The following ARID1B variants were observed in gnomAD, a reference collection of about 807,000 sequenced individuals.
The protein encoded by ARID1B is AT-rich interaction domain 1B.
A neutral mutation model predicts 212.3 loss-of-function variants in ARID1B; 30 were observed. The observed-to-expected ratio is 0.14, with a 90% confidence interval of 0.11 to 0.19. The LOEUF is 0.19. Ranked by LOEUF, ARID1B falls within the 10% of genes least tolerant of loss-of-function variation. ARID1B has a pLI of 1.00. For missense variants in ARID1B, 2,891 were observed against 3,204.0 expected, an observed-to-expected ratio of 0.90 and a Z score of 2.36; for synonymous variants, 1,402 against 1,301.7, an observed-to-expected ratio of 1.08 and a Z score of -1.66.
rs571819028 is a variant in ARID1B, at chr6:157,207,267, A to G, written c.6495A>G (p.Glu2165=). The change falls in exon 20 of 20, where the codon GAA becomes GAG. Residue 2165 remains glutamate (E), a synonymous_variant. Coordinates refer to ENST00000636930, the MANE Select transcript of ARID1B (RefSeq NM_001374828.1). This position sits in a 1 kb window ranked among gnomAD's most constrained non-coding sequence, Gnocchi z 8.5. ...SGQLDLSAYT[E]SICLPILDGL... ...AGCTAGACTTGTCTGCTTACACGGAAAGCATCTGCTTGCCAATTTTGGATG... is the reference window on the plus strand; with the variant it reads ...AGCTAGACTTGTCTGCTTACACGGAGAGCATCTGCTTGCCAATTTTGGATG... 1 of 1,614,138 alleles carries G rather than the reference A, an allele frequency of 6.2e-7. No individual in the cohort carries two copies. Among genetic ancestry groups the G allele is most frequent in the South Asian group, 1.1e-5 (1 of 91,084 alleles).
chr6:156,779,695 G>GCC, intron 1 of ARID1B: 1 of 211,404 alleles, frequency 4.7e-6, no homozygotes, highest in Non-Finnish European at 8.4e-6. Flanking sequence ...GCCGGGCCGG[G>GCC]CCGGGTGGCT....
At position 156,868,728 on chromosome 6, in the gene ARID1B, A is replaced by G. The variant is rs1346189701; in HGVS notation, c.1987-32648A>G. Reference sequence around the variant, plus strand: ...TTAGATTTCAACATATGAATTTTGGAGGGACACAAATGTTCAGACCATAGC... The same window carrying G: ...TTAGATTTCAACATATGAATTTTGGGGGGACACAAATGTTCAGACCATAGC... On this transcript the variant is annotated intron_variant, in intron 2 of 19. Coordinates refer to ENST00000636930, the MANE Select transcript of ARID1B (RefSeq NM_001374828.1). Among the ~76,000 whole-genome samples, 8 of 152,226 alleles carry G rather than the reference A, an allele frequency of 5.3e-5. No individual in the cohort carries two copies. The East Asian group carries it at 1.5e-3, about 29-fold the overall frequency.
At chr6:157,127,782 TCAAAAAAAAAAAAAAAAAAAAAAA>T (rs1161347774) in intron 6 of ARID1B, among the ~76,000 whole-genome samples, 1 of 50,960 alleles carries the variant, frequency 2.0e-5, no homozygotes, top group Non-Finnish European at 3.0e-5. Flanking sequence ...AGACTCTGTC[TCAAAAAAAAAAAAAAAAAAAAAAA>T]CAAAAATTAG....
chr6:157,099,951 C>G (rs1196054758), intron 5 of ARID1B, among the ~76,000 whole-genome samples: 1 of 152,118 alleles, frequency 6.6e-6, no homozygotes, highest in Non-Finnish European at 1.5e-5. Flanking sequence ...GCCCATTTAT[C>G]TGTATTTTTA....
chr6:157,151,304 A>G (rs1393779563), intron 8 of ARID1B: 1 of 152,006 alleles, frequency 6.6e-6, no homozygotes, highest in African/African-American at 2.4e-5. Flanking sequence ...TGCCATACCC[A>G]CCCCCAAATT....
chr6:156,943,453 C>T (rs149382267), intron 4 of ARID1B: 2 of 149,956 alleles, frequency 1.3e-5, no homozygotes, highest in Non-Finnish European at 3.0e-5. Flanking sequence ...TAAGCTTTCT[C>T]AACTACTTTT....
chr6:157,122,917 G>A (rs1212690032), intron 6 of ARID1B, among the ~76,000 whole-genome samples: 60 of 151,916 alleles, frequency 3.9e-4, no homozygotes, highest in African/African-American at 1.4e-3. Context: ...CCTGACCTCA[G>A]GTGATCCACC....
At position 156,915,963 on chromosome 6, in the gene ARID1B, G is replaced by A. The variant is rs182032201; in HGVS notation, c.2136+14438G>A. Among the ~76,000 whole-genome samples the A allele has an allele frequency of 4.0e-5, 6 of 150,140 alleles. No homozygotes were observed. The East Asian group carries it at 7.8e-4, about 20-fold the overall frequency. On this transcript the variant is annotated intron_variant, in intron 3 of 19. Transcript: ENST00000636930. ...TCTAGAAGGTTTTTTAACAAATTACGCGCCCCACCCCCCCAGCTCACTTTC... is the reference window on the plus strand; with the variant it reads ...TCTAGAAGGTTTTTTAACAAATTACACGCCCCACCCCCCCAGCTCACTTTC...
intron 3 of ARID1B, among the ~76,000 whole-genome samples, chr6:156,914,010 C>T (rs549124508): frequency 1.3e-4 from 20 of 149,324 alleles, no homozygotes; most frequent in Non-Finnish European, 2.4e-4. Flanking sequence ...CAGCCCTTCC[C>T]AGCCCGTGGT....
chr6:156,920,222 C>G (rs1207767476), intron 3 of ARID1B, among the ~76,000 whole-genome samples: 3 of 152,236 alleles, frequency 2.0e-5, no homozygotes, highest in African/African-American at 7.2e-5. Context: ...ATCTGTCTTC[C>G]TCTCTGATAC....
chr6:156,830,756 T>TA (rs1028752610), intron 2 of ARID1B, among the ~76,000 whole-genome samples: 92 of 146,276 alleles, frequency 6.3e-4, no homozygotes, highest in African/African-American at 1.7e-3. Flanking sequence ...ATCGAGACCC[T>TA]AAAAAAAAAA....
chr6:156,914,185 A>C (rs1790159998), intron 3 of ARID1B, among the ~76,000 whole-genome samples: 3 of 109,164 alleles, frequency 2.7e-5, no homozygotes, highest in African/African-American at 1.1e-4. Flanking sequence ...ATTCCACTCT[A>C]CTCCCCAGCT....
At chr6:157,018,393 T>G (rs1051755427) in intron 4 of ARID1B, among the ~76,000 whole-genome samples, 1 of 152,028 alleles carries the variant, frequency 6.6e-6, no homozygotes, top group African/African-American at 2.4e-5. Flanking sequence ...TTTTTGTATT[T>G]TTAGTAGAGA....
At chr6:157,161,454 T>TATATATATATATATATATATATA (rs1790939734) in intron 8 of ARID1B, among the ~76,000 whole-genome samples, 7 of 149,122 alleles carry the variant, frequency 4.7e-5, no homozygotes, top group African/African-American at 1.8e-4. Flanking sequence ...TATATATATA[T>TATATATATATATATATATATATA]TTTGGCGGGG....
At position 157,084,811 on chromosome 6, in the gene ARID1B, C is replaced by T. The variant is rs549352027; in HGVS notation, c.2397C>T (p.Ser799=). The change falls in exon 5 of 20, where the codon TCC becomes TCT. Residue 799 remains serine, a synonymous_variant. Transcript: ENST00000636930. ...CCCCACATGCGTCCCCTCATCTCTC[C>T]AGCATCCCGGGGGGCCCATCTCCCT... is the stretch of plus-strand genomic sequence containing the variant. ...PFSPHASPHL[S]SIPGGPSPSP... is the part of the protein sequence containing the mutation. 1 of 1,614,056 alleles carries T rather than the reference C, an allele frequency of 6.2e-7. No homozygotes were observed. Among genetic ancestry groups the T allele is most frequent in the South Asian group, 1.1e-5 (1 of 91,068 alleles).
chr6:156,958,089 C>G (rs751018389), intron 4 of ARID1B, among the ~76,000 whole-genome samples: 1 of 152,218 alleles, frequency 6.6e-6, no homozygotes, highest in Non-Finnish European at 1.5e-5. Context: ...ACCCGCCTTG[C>G]AAACTCAGCT....
In ARID1B at chr6:157,206,355, T is replaced by C; in HGVS notation, c.5583T>C (p.Ile1861=). Residue 1861 remains isoleucine (I), a synonymous_variant, in exon 20 of 20, where the codon ATT becomes ATC. Transcript: ENST00000636930. This position sits in a 1 kb window ranked among gnomAD's most constrained non-coding sequence, Gnocchi z 6.8. ...SGKEEEDAEC[I]DDDEEDEEDE... is the part of the protein sequence containing the mutation. ...AAGAGGAGGAAGATGCTGAATGTAT[T>C]GATGACGACGAGGAAGACGAGGAGG... is the stretch of plus-strand genomic sequence containing the variant. The C allele has an allele frequency of 1.2e-6, 2 of 1,614,090 alleles. No homozygotes were observed. Among genetic ancestry groups the C allele is most frequent in the Non-Finnish European group, 1.7e-6 (2 of 1,180,026 alleles).
At chr6:156,858,415 G>A (rs1306113322) in intron 2 of ARID1B, among the ~76,000 whole-genome samples, 1 of 152,184 alleles carries the variant, frequency 6.6e-6, no homozygotes, top group Non-Finnish European at 1.5e-5. Context: ...AATGTTTGAG[G>A]TGATGGATAT....
rs1055350604 is a variant in ARID1B, at chr6:156,903,008, ATAAAT to A, written c.2136+1486_2136+1490del. On this transcript the variant is annotated intron_variant, in intron 3 of 19. Coordinates refer to ENST00000636930, the MANE Select transcript of ARID1B (RefSeq NM_001374828.1). ...TCATCAAAATTTAAGGAGTCAATAG[ATAAAT>A]TATATTACTCATTTGACTGTAGTGT... is the stretch of plus-strand genomic sequence containing the variant. 1.8e-4 allele frequency among the ~76,000 whole-genome samples: 28 copies of A among 152,270 alleles called. 1 individual carries two copies. Among genetic ancestry groups the A allele is most frequent in the Middle Eastern group, 3.4e-3 (1 of 294 alleles).
Sources: allele counts gnomAD v4.1 joint callset (sites outside exome capture counted in the v4.1 genomes callset), GRCh38; gene constraint gnomAD v4.1.1; non-coding constraint Gnocchi (gnomAD v3.1); transcripts MANE v1.5; gene names NCBI Gene and HGNC (gene_info 2026-07-23, HGNC 2026-07-21).